NSUN4: variants seen among roughly 807,000 people sequenced by gnomAD.
The protein encoded by NSUN4 is NOP2/Sun RNA methyltransferase 4.
NSUN4 carries 31 observed loss-of-function variants against 43.8 expected under a neutral mutation model. That is an observed-to-expected ratio of 0.71 (90% confidence interval 0.53 to 0.96). The LOEUF is 0.96. Ranked by LOEUF, NSUN4 falls within the 40% of genes least tolerant of loss-of-function variation. NSUN4 has a pLI of 0.00. For missense variants in NSUN4, 439 were observed against 475.6 expected (o/e 0.92, Z 0.72); for synonymous variants, 167 against 184.1 (o/e 0.91, Z 0.75).
At position 46,362,903 on chromosome 1, in the gene NSUN4, A is replaced by G. The variant is rs553815917; in HGVS notation, c.*1057A>G. ...GCATACTCGATATGTTGTTTTTGTA[A>G]CTTTAGCCAAAAGAAAGTAACCTTT... On this transcript the variant is annotated 3_prime_UTR_variant, in exon 6 of 6. Transcript: ENST00000474844. 1.3e-5 allele frequency: 2 copies of G among 152,078 alleles called. No homozygotes were observed. The highest frequency in any genetic ancestry group is 4.8e-5 in the African/African-American group (2 of 41,428). 9.4% of individuals were successfully genotyped at this position (152,078 alleles called of 1,614,324 possible).
At chr1:46,351,596 T>A (rs1662984296) in intron 3 of NSUN4, among the ~76,000 whole-genome samples, 2 of 148,756 alleles carry the variant, frequency 1.3e-5, no homozygotes, top group South Asian at 4.3e-4. Context: ...GAGGCTGAGG[T>A]GGGAGAATTG....
Position 46,361,450 on chromosome 1 carries a change from A to C in NSUN4, c.879-120A>C, listed in dbSNP as rs377739316. 148 of 865,458 alleles carry C rather than the reference A, an allele frequency of 1.7e-4. 1 individual carries two copies. In the South Asian group the frequency reaches 2.4e-3, roughly 14 times the overall value. The allele number at this position is 865,458 out of a possible 1,614,324, so 53.6% of individuals were successfully genotyped here. A position where few individuals can be genotyped will look rare whatever the true frequency, so the allele number is the denominator to read the frequency against. On this transcript the variant is annotated intron_variant, in intron 5 of 5. Transcript: ENST00000474844. ...TCATTGTGGAAGGGACTTGAGAGGC[A>C]GTCTAACCAGCTACCCATCCTGTAG...
At chr1:46,360,241 AAAAAAAAAATAT>A (rs1383569203) in intron 4 of NSUN4, among the ~76,000 whole-genome samples, 32 of 40,548 alleles carry the variant, frequency 7.9e-4, no homozygotes, top group South Asian at 3.2e-3. Flanking sequence ...AAAAAAAAAA[AAAAAAAAAATAT>A]ATATATATAT....
At chr1:46,348,146 C>G (rs1302738432) in intron 3 of NSUN4, among the ~76,000 whole-genome samples, 1 of 152,188 alleles carries the variant, frequency 6.6e-6, no homozygotes, top group African/African-American at 2.4e-5. Context: ...TCCCAAATTG[C>G]TGGGATTACA....
rs368890299 is a variant in NSUN4 at position 46,347,200 on chromosome 1, A to G, written c.592+125A>G. The G allele has an allele frequency of 3.7e-4, 373 of 1,008,306 alleles. 3 individuals are homozygous for G. In the African/African-American group the frequency reaches 4.9e-3, roughly 13 times the overall value. 62.5% of individuals were successfully genotyped at this position (1,008,306 alleles called of 1,614,324 possible). On this transcript the variant is annotated intron_variant, in intron 3 of 5. Coordinates refer to ENST00000474844, the MANE Select transcript of NSUN4 (RefSeq NM_199044.4). ...CGCCTGTAATCCCAGCACTTTGGGAAGCCGAGGGAGGCGGACCACCTGATG... is the reference window on the plus strand; with the variant it reads ...CGCCTGTAATCCCAGCACTTTGGGAGGCCGAGGGAGGCGGACCACCTGATG...
chr1:46,346,150 C>CAA (rs745954011), intron 2 of NSUN4, among the ~76,000 whole-genome samples: 24,954 of 85,872 alleles, frequency 0.29, 3,260 homozygotes, highest in Non-Finnish European at 0.33. Flanking sequence ...GACTCTGTCT[C>CAA]AAAAAAAAAA....
chr1:46,354,827 G>C (rs914685169), intron 4 of NSUN4, among the ~76,000 whole-genome samples: 3 of 145,364 alleles, frequency 2.1e-5, no homozygotes, highest in African/African-American at 7.4e-5. Flanking sequence ...GTGCCACCAC[G>C]CCTGACTAAT....
In NSUN4 at chr1:46,345,039, A is replaced by T; in HGVS notation, c.332A>T (p.Glu111Val). 1 of 1,614,188 alleles carries T rather than the reference A, an allele frequency of 6.2e-7. No homozygotes were observed. The highest frequency in any genetic ancestry group is 2.2e-5 in the East Asian group (1 of 44,892). The change falls in exon 2 of 6, where the codon GAG (glutamate) becomes GTG (valine). Residue 111 changes from glutamate to valine, a missense_variant. Transcript: ENST00000474844. ...EAISHWELQS[E>V]GGQSAAPSPA... The stretch of plus-strand genomic sequence containing the variant: ...ATCTCCCACTGGGAACTGCAGTCTG[A>T]GGGTGGCCAATCTGCAGCCCCATCC...
chr1:46,344,351 T>A (rs1662327236), intron 1 of NSUN4: 1 of 164,288 alleles, frequency 6.1e-6, no homozygotes. Context: ...TTTTTGTATC[T>A]TACTGAGCTA....
At chr1:46,365,827 G>A (rs1664122326), downstream of NSUN4, among the ~76,000 whole-genome samples, 1 of 151,944 alleles carries the variant, frequency 6.6e-6, no homozygotes, top group Non-Finnish European at 1.5e-5. Context: ...GATTATCAAC[G>A]TTAAACTTTA....
At chr1:46,343,200 G>A in intron 1 of NSUN4, 1 of 354,260 alleles carries the variant, frequency 2.8e-6, no homozygotes. Context: ...CCCTCCCATT[G>A]TGCCCCTGTG....
At chr1:46,372,745 A>G in the NSUN4 span, among the ~76,000 whole-genome samples, 4 of 151,904 alleles carry the variant, frequency 2.6e-5, no homozygotes, top group Non-Finnish European at 5.9e-5. Flanking sequence ...TTGTTTTGAG[A>G]CAGAATCTCA....
the NSUN4 span, among the ~76,000 whole-genome samples, chr1:46,374,828 T>G: frequency 2.6e-5 from 4 of 151,422 alleles, no homozygotes; most frequent in African/African-American, 9.7e-5. Flanking sequence ...ATAGTGAGTA[T>G]ATGAGTATAT....
the NSUN4 span, among the ~76,000 whole-genome samples, chr1:46,379,242 C>A: frequency 6.6e-6 from 1 of 152,144 alleles, no homozygotes; most frequent in Non-Finnish European, 1.5e-5. Context: ...GCACCCTAGG[C>A]AGTGCTTCTG....
At chr1:46,374,289 C>CAAAAAAAAAA in the NSUN4 span, among the ~76,000 whole-genome samples, 5 of 42,906 alleles carry the variant, frequency 1.2e-4, no homozygotes, top group African/African-American at 4.8e-4. Context: ...TCTGTCTCAC[C>CAAAAAAAAAA]AAAAAAAAAA....
chr1:46,351,954 G>A (rs1557740348), intron 3 of NSUN4, among the ~76,000 whole-genome samples: 1 of 149,208 alleles, frequency 6.7e-6, no homozygotes, highest in Non-Finnish European at 1.5e-5. Flanking sequence ...GTGAGCCACC[G>A]TGCCTGGCCT....
intron 3 of NSUN4, among the ~76,000 whole-genome samples, chr1:46,347,521 A>AT (rs1282803119): frequency 6.6e-6 from 1 of 152,092 alleles, no homozygotes; most frequent in African/African-American, 2.4e-5. Context: ...AAGCTTGTGT[A>AT]TTTTTTCATT....
rs1557745502 is a variant in NSUN4, at chr1:46,361,803, A to G, written c.1112A>G (p.Asn371Ser). The change falls in exon 6 of 6, where the codon AAT (asparagine) becomes AGT (serine). Residue 371 changes from asparagine (N) to serine (S), a missense_variant. Physicochemically the swap from Asn to Ser is conservative, Grantham distance 46. Transcript: ENST00000474844. ...GELVIPNLMA[N>S]FGPMYFCKMR... ...CTGGTAATACCAAACCTCATGGCCA[A>G]TTTTGGCCCCATGTACTTCTGCAAA... is the stretch of plus-strand genomic sequence containing the variant. 2 of 1,614,156 alleles carry G rather than the reference A, an allele frequency of 1.2e-6. No individual in the cohort carries two copies. Among genetic ancestry groups the G allele is most frequent in the East Asian group, 2.2e-5 (1 of 44,878 alleles).
At chr1:46,348,099 C>G (rs1662654394) in intron 3 of NSUN4, among the ~76,000 whole-genome samples, 1 of 152,114 alleles carries the variant, frequency 6.6e-6, no homozygotes, top group Admixed American at 6.5e-5. Flanking sequence ...CCAGGATGGT[C>G]TCAATCTCCT....
Sources: gnomAD v4.1 joint callset for allele counts (sites outside exome capture counted in the v4.1 genomes callset) on GRCh38, gnomAD v4.1.1 for gene constraint, MANE v1.5 for transcripts, NCBI Gene and HGNC (gene_info 2026-07-23, HGNC 2026-07-21) for gene names.